The following C3orf52 variants were observed in gnomAD, a reference collection of about 807,000 sequenced individuals.
The protein encoded by C3orf52 is chromosome 3 open reading frame 52, also known as TPA-induced transmembrane protein.
A neutral mutation model predicts 24.8 loss-of-function variants in C3orf52; 22 were observed. That is an observed-to-expected ratio of 0.89 (90% CI 0.63 to 1.27). C3orf52 has a LOEUF of 1.27. Ranked by LOEUF, C3orf52 falls within the 50% of genes most tolerant of loss-of-function variation. The pLI, the probability that C3orf52 is intolerant of heterozygous loss-of-function variation, is 0.00. For missense variants in C3orf52, 265 were observed against 260.7 expected, an observed-to-expected ratio of 1.02 and a Z score of -0.11; for synonymous variants, 93 against 100.2, an observed-to-expected ratio of 0.93 and a Z score of 0.43.
downstream of C3orf52, chr3:112,135,048 G>C (rs1385960398): frequency 6.5e-6 from 1 of 154,830 alleles, no homozygotes; most frequent in East Asian, 1.9e-4. Context: ...GTGCCCACAT[G>C]ACTGTATGCA....
At chr3:112,094,155 C>A (rs2073905092) in intron 2 of C3orf52, among the ~76,000 whole-genome samples, 1 of 152,092 alleles carries the variant, frequency 6.6e-6, no homozygotes, top group Admixed American at 6.5e-5. Context: ...CCACCACGCC[C>A]AGCTAATTTT....
chr3:112,097,998 C>T (rs1455029520), intron 2 of C3orf52, among the ~76,000 whole-genome samples: 1 of 152,224 alleles, frequency 6.6e-6, no homozygotes, highest in Non-Finnish European at 1.5e-5. Flanking sequence ...AGTTCAACCT[C>T]AGGTATAAAT....
chr3:112,129,052 AG>A (rs2074393648), downstream of C3orf52: 1 of 152,192 alleles, frequency 6.6e-6, no homozygotes, highest in Non-Finnish European at 1.5e-5. Context: ...ACAACCTCTA[AG>A]ATCTATGCAT....
At chr3:112,125,687 G>A (rs2074301647) in intron 4 of C3orf52, among the ~76,000 whole-genome samples, 1 of 149,090 alleles carries the variant, frequency 6.7e-6, no homozygotes, top group Non-Finnish European at 1.5e-5. Flanking sequence ...ACAGACAAGG[G>A]GCTCTGAGAG....
At chr3:112,087,119 A>G (rs1488623541) in intron 1 of C3orf52, among the ~76,000 whole-genome samples, 1 of 141,604 alleles carries the variant, frequency 7.1e-6, no homozygotes, top group Non-Finnish European at 1.5e-5. Flanking sequence ...GAGGAGAGAA[A>G]GCGGTCAGAA....
At chr3:112,127,177 A>G (rs1379331347) in intron 4 of C3orf52, 4 of 546,442 alleles carry the variant, frequency 7.3e-6, no homozygotes, top group Non-Finnish European at 1.3e-5. Context: ...GAGTTAAGTA[A>G]AAAAGAAAAA....
intron 4 of C3orf52, among the ~76,000 whole-genome samples, chr3:112,110,948 C>A (rs1234192320): frequency 6.6e-6 from 1 of 152,214 alleles, no homozygotes; most frequent in Admixed American, 6.5e-5. Flanking sequence ...TGGTGGCTTA[C>A]ACCTGTAATC....
At chr3:112,087,410 C>G (rs2073839947) in intron 1 of C3orf52, among the ~76,000 whole-genome samples, 1 of 152,092 alleles carries the variant, frequency 6.6e-6, no homozygotes, top group South Asian at 2.1e-4. Context: ...ACTTCCCAGC[C>G]ATCCACCTTC....
intron 2 of C3orf52, among the ~76,000 whole-genome samples, chr3:112,100,963 G>GA (rs1321767538): frequency 1.3e-5 from 2 of 152,072 alleles, no homozygotes; most frequent in African/African-American, 4.8e-5. Context: ...AGTATAGGAG[G>GA]AAAAAACCCT....
At chr3:112,132,633 T>G (rs1182590353), downstream of C3orf52, 3 of 986,634 alleles carry the variant, frequency 3.0e-6, no homozygotes, top group Non-Finnish European at 2.4e-6. Context: ...TGACCTCTGC[T>G]TACCTGCTTG....
chr3:112,130,201 C>T (rs1274158337), downstream of C3orf52: 4 of 526,112 alleles, frequency 7.6e-6, no homozygotes, highest in African/African-American at 7.6e-5. Flanking sequence ...CAGGGCATAA[C>T]AGGGACTAGC....
chr3:112,086,614 C>A (rs1211907671), intron 1 of C3orf52, 69 bp downstream of exon 1: 1 of 1,494,648 alleles, frequency 6.7e-7, no homozygotes, highest in Non-Finnish European at 9.0e-7. Flanking sequence ...GGCCTGGCAC[C>A]CGCGAGTTTC....
chr3:112,088,042 C>T (rs1208929513), intron 1 of C3orf52, among the ~76,000 whole-genome samples: 1 of 152,216 alleles, frequency 6.6e-6, no homozygotes, highest in Non-Finnish European at 1.5e-5. Context: ...TTAGCACCTA[C>T]CCTGTAGCAA....
At chr3:112,101,135 G>A (rs1038299687) in intron 2 of C3orf52, among the ~76,000 whole-genome samples, 2 of 152,060 alleles carry the variant, frequency 1.3e-5, no homozygotes, top group Non-Finnish European at 2.9e-5. Flanking sequence ...CTACGTTTGG[G>A]GGTCCCCAAG....
intron 2 of C3orf52, 85 bp downstream of exon 2, chr3:112,093,574 C>A: frequency 8.0e-7 from 1 of 1,252,678 alleles, no homozygotes; most frequent in Non-Finnish European, 1.1e-6. Flanking sequence ...AAGATGTACT[C>A]ATAGCCATTT....
chr3:112,127,749 A>G (rs2074360897), intron 4 of C3orf52, among the ~76,000 whole-genome samples: 1 of 152,212 alleles, frequency 6.6e-6, no homozygotes. Context: ...TGCAGTGTGA[A>G]AAAAACGTAT....
chr3:112,104,104 T>C (rs9816581), intron 3 of C3orf52, among the ~76,000 whole-genome samples: 9,343 of 152,210 alleles, frequency 0.061, 392 homozygotes, highest in African/African-American at 0.12. Context: ...AGAGGTATTC[T>C]CACTCAATAA....
chr3:112,102,969 A>G lies in C3orf52; in HGVS notation c.396+4A>G, dbSNP rs759202200. The G allele has an allele frequency of 2.5e-6, 4 of 1,611,638 alleles. No homozygotes were observed. The highest frequency in any genetic ancestry group is 3.4e-6 in the Non-Finnish European group (4 of 1,178,970). On this transcript the variant is annotated splice_donor_region_variant and intron_variant, in intron 3 of 5. Transcript: ENST00000264848. ...GCCTCACCTGCTCACCGAAAGGGTA[A>G]TTCCATCTTATATATTGCCTAAGGA... is the stretch of plus-strand genomic sequence containing the variant.
chr3:112,113,081 C>T lies in C3orf52; in HGVS notation c.585C>T (p.Phe195=), dbSNP rs758145709. Residue 195 remains phenylalanine, a synonymous_variant, in exon 5 of 6, where the codon TTC becomes TTT. Transcript: ENST00000264848. ...TGCTGGGCATTTTGCTACAGGATTT[C>T]CGTGATCAGAATATACCTGGTTGTG... is the stretch of plus-strand genomic sequence containing the variant. ...ELVLGILLQD[F]RDQNIPGCES... 6.8e-6 allele frequency: 11 copies of T among 1,611,264 alleles called. No individual in the cohort carries two copies. In the East Asian group the frequency reaches 2.5e-4, roughly 36 times the overall value.
Sources: gnomAD v4.1 joint callset for allele counts (sites outside exome capture counted in the v4.1 genomes callset) on GRCh38, gnomAD v4.1.1 for gene constraint, MANE v1.5 for transcripts, NCBI Gene and HGNC (gene_info 2026-07-23, HGNC 2026-07-21) for gene names.